CNTNAP5: variants seen among roughly 807,000 people sequenced by gnomAD.
The protein encoded by CNTNAP5 is contactin associated protein family member 5, also known as contactin-associated protein-like 5.
Under a neutral mutation model 150.2 loss-of-function variants are expected in CNTNAP5, and 72 were observed. The ratio of observed to expected loss-of-function variants is 0.48; its 90% CI spans 0.40 to 0.58. The LOEUF (loss-of-function observed/expected upper bound fraction) is 0.58, where lower values mean the gene tolerates loss of function less well. Ranked by LOEUF, CNTNAP5 falls within the 20% of genes least tolerant of loss-of-function variation. The pLI is 0.00. For synonymous variants in CNTNAP5, 672 were observed against 619.8 expected (o/e 1.08, Z -1.25); for missense variants, 1,636 against 1,626.2 (o/e 1.01, Z -0.10).
intron 1 of CNTNAP5, among the ~76,000 whole-genome samples, chr2:124,110,854 T>A (rs1330657526): frequency 1.3e-5 from 2 of 152,136 alleles, no homozygotes; most frequent in African/African-American, 4.8e-5. Flanking sequence ...ATCTATTACC[T>A]CATTTGATCT....
intron 3 of CNTNAP5, among the ~76,000 whole-genome samples, chr2:124,310,532 C>T (rs1325048886): frequency 1.3e-5 from 2 of 152,134 alleles, no homozygotes; most frequent in African/African-American, 4.8e-5. Flanking sequence ...CGTGCCCAAG[C>T]CCTCCCTTAA....
chr2:124,382,778 T>C (rs1232923148), intron 3 of CNTNAP5, among the ~76,000 whole-genome samples: 4 of 152,194 alleles, frequency 2.6e-5, no homozygotes, highest in African/African-American at 4.8e-5. Flanking sequence ...AAATCCTAGC[T>C]CAAACTATTT....
chr2:124,419,140 C>CAAAAAA (rs778863758), intron 4 of CNTNAP5, among the ~76,000 whole-genome samples: 3 of 28,908 alleles, frequency 1.0e-4, no homozygotes, highest in Admixed American at 5.8e-4. Context: ...GACTCCTTCT[C>CAAAAAA]AAAAAAAAAA....
At chr2:124,347,051 G>C (rs1205325755) in intron 3 of CNTNAP5, among the ~76,000 whole-genome samples, 1 of 151,976 alleles carries the variant, frequency 6.6e-6, no homozygotes, top group East Asian at 1.9e-4. Flanking sequence ...TCATGCCACT[G>C]CACTCCAGCC....
Position 124,267,431 on chromosome 2 carries a change from G to A in CNTNAP5, c.381+25038G>A, listed in dbSNP as rs555994124. 3.9e-5 allele frequency among the ~76,000 whole-genome samples: 6 copies of A among 152,176 alleles called. No individual in the cohort carries two copies. The East Asian group carries it at 9.7e-4, about 25-fold the overall frequency. On this transcript the variant is annotated intron_variant, in intron 3 of 23. Transcript: ENST00000682447. ...ATATTCCCCTGTGACCAACAACCCC[G>A]TGAGCTGTTGGCAGAATTAATAAAG...
At chr2:124,662,273 G>A (rs1047640127) in intron 13 of CNTNAP5, among the ~76,000 whole-genome samples, 10 of 152,166 alleles carry the variant, frequency 6.6e-5, no homozygotes, top group African/African-American at 2.4e-4. Context: ...ATTGTGAACA[G>A]TGCTGTGATA....
At chr2:124,583,805 G>A (rs1696466527) in intron 11 of CNTNAP5, among the ~76,000 whole-genome samples, 1 of 152,114 alleles carries the variant, frequency 6.6e-6, no homozygotes, top group South Asian at 2.1e-4. Flanking sequence ...TCCTGCTTCA[G>A]CATCTCTACC....
At chr2:124,166,168 C>T (rs1684807297) in intron 1 of CNTNAP5, among the ~76,000 whole-genome samples, 1 of 152,096 alleles carries the variant, frequency 6.6e-6, no homozygotes, top group African/African-American at 2.4e-5. Flanking sequence ...CTGTGATTTG[C>T]CTGCTCTGGT....
chr2:124,655,937 GAGAGAGAGAGAAAGAAAGAAAGAAAGAA>G lies in CNTNAP5; in HGVS notation c.2077+7983_2077+8010del, dbSNP rs1289847848. On this transcript the variant is annotated intron_variant, in intron 13 of 23. Coordinates refer to ENST00000682447, the MANE Select transcript of CNTNAP5 (RefSeq NM_001367498.1). The stretch of plus-strand genomic sequence containing the variant: ...AGAAAGACAGAAAGAGAGAGAGAGA[GAGAGAGAGAGAAAGAAAGAAAGAAAGAA>G]AGAAAGAAAGAAAGAAAGAAAGAAA... Among the ~76,000 whole-genome samples the G allele has an allele frequency of 5.7e-3, 296 of 52,388 alleles. 4 individuals are homozygous for G. The highest frequency in any genetic ancestry group is 0.021 in the African/African-American group (273 of 12,708). 34.4% of individuals were successfully genotyped at this position (52,388 alleles called of 152,430 possible).
intron 19 of CNTNAP5, among the ~76,000 whole-genome samples, chr2:124,849,677 CTATT>C (rs1683116922): frequency 6.6e-6 from 1 of 152,076 alleles, no homozygotes; most frequent in South Asian, 2.1e-4. Context: ...TGTGGGCTAT[CTATT>C]AATTTATTTG....
At chr2:124,717,013 C>A (rs1679958733) in intron 13 of CNTNAP5, among the ~76,000 whole-genome samples, 1 of 152,158 alleles carries the variant, frequency 6.6e-6, no homozygotes, top group African/African-American at 2.4e-5. Flanking sequence ...TCTTGAATAT[C>A]ATTCTTAATC....
chr2:124,859,552 T>C (rs1190560045), intron 19 of CNTNAP5, among the ~76,000 whole-genome samples: 2 of 152,214 alleles, frequency 1.3e-5, no homozygotes, highest in Non-Finnish European at 2.9e-5. Context: ...AGCCGTCCCA[T>C]TACTGGGTAT....
chr2:124,359,465 C>T (rs1350477461), intron 3 of CNTNAP5, among the ~76,000 whole-genome samples: 2 of 151,970 alleles, frequency 1.3e-5, no homozygotes, highest in African/African-American at 4.8e-5. Context: ...TCCCTCTACA[C>T]ACGGCTTTGA....
intron 2 of CNTNAP5, among the ~76,000 whole-genome samples, chr2:124,222,742 T>A (rs1352122824): frequency 2.0e-5 from 3 of 148,672 alleles, no homozygotes; most frequent in Non-Finnish European, 4.5e-5. Context: ...TTTTTTTTTT[T>A]ACACGCTAAC....
At chr2:124,127,217 G>C (rs1683728410) in intron 1 of CNTNAP5, among the ~76,000 whole-genome samples, 1 of 152,058 alleles carries the variant, frequency 6.6e-6, no homozygotes, top group Non-Finnish European at 1.5e-5. Context: ...AAAGTCTCAG[G>C]ATACAAAATC....
At chr2:124,457,103 G>A (rs1693138052) in intron 6 of CNTNAP5, among the ~76,000 whole-genome samples, 1 of 152,168 alleles carries the variant, frequency 6.6e-6, no homozygotes, top group African/African-American at 2.4e-5. Context: ...CACAGCAAAA[G>A]GAACAGTCAA....
At chr2:124,731,113 C>T (rs999353753) in intron 13 of CNTNAP5, among the ~76,000 whole-genome samples, 2 of 152,212 alleles carry the variant, frequency 1.3e-5, no homozygotes, top group African/African-American at 2.4e-5. Context: ...CTATGCCTTG[C>T]TCAGACCTCT....
At chr2:124,279,951 C>T (rs1348875074) in intron 3 of CNTNAP5, among the ~76,000 whole-genome samples, 1 of 151,904 alleles carries the variant, frequency 6.6e-6, no homozygotes, top group Non-Finnish European at 1.5e-5. Flanking sequence ...TGTTCCATGC[C>T]TTTCGTCCTC....
intron 1 of CNTNAP5, among the ~76,000 whole-genome samples, chr2:124,136,375 A>G (rs1259847010): frequency 6.6e-6 from 1 of 152,180 alleles, no homozygotes; most frequent in Non-Finnish European, 1.5e-5. Flanking sequence ...TTATGCTCCA[A>G]TTGGCCCATC....
Sources: gnomAD v4.1 joint callset for allele counts (sites outside exome capture counted in the v4.1 genomes callset) on GRCh38, gnomAD v4.1.1 for gene constraint, MANE v1.5 for transcripts, NCBI Gene and HGNC (gene_info 2026-07-23, HGNC 2026-07-21) for gene names.